The following RAD50 variants were observed in gnomAD, a reference collection of about 807,000 sequenced individuals.
RAD50 encodes DNA repair protein RAD50.
A neutral mutation model predicts 168.8 loss-of-function variants in RAD50; 132 were observed. The observed-to-expected ratio is 0.78, with a 90% CI of 0.68 to 0.90. The LOEUF (loss-of-function observed/expected upper bound fraction) is 0.90, where lower values mean the gene tolerates loss of function less well. Among genes scored for constraint, RAD50 ranks in the 40% least tolerant of loss-of-function variants. The pLI is 0.00. For synonymous variants in RAD50, 525 were observed against 497.4 expected (o/e 1.06, Z -0.74); for missense variants, 1,347 against 1,534.4 (o/e 0.88, Z 2.04).
At position 132,604,984 on chromosome 5, in the gene RAD50, G is replaced by C. The variant is rs1438147862; in HGVS notation, c.2703G>C (p.Leu901Phe). 2 of 1,609,914 alleles carry C rather than the reference G, an allele frequency of 1.2e-6. No homozygotes were observed. The highest frequency in any genetic ancestry group is 1.7e-6 in the Non-Finnish European group (2 of 1,176,358). The change falls in exon 16 of 25, where the codon TTG becomes TTC. Residue 901 changes from leucine (L) to phenylalanine (F), a missense_variant. Coordinates refer to ENST00000378823, the MANE Select transcript of RAD50 (RefSeq NM_005732.4). Reference sequence around the variant, plus strand: ...AATTATCCACTGAAGTTCAGTCTTTGTACAGAGAGATAAAGGTAAGAATAT... The same window carrying C: ...AATTATCCACTGAAGTTCAGTCTTTCTACAGAGAGATAAAGGTAAGAATAT... The part of the protein sequence containing the change: ...TVELSTEVQS[L>F]YREIKDAKEQ...
At chr5:132,607,609 AT>A (rs949537766) in intron 16 of RAD50, among the ~76,000 whole-genome samples, 3 of 152,166 alleles carry the variant, frequency 2.0e-5, no homozygotes, top group African/African-American at 7.2e-5. Flanking sequence ...CATCTGTATA[AT>A]TTTTTACTAT....
intron 21 of RAD50, 34 bp from the exon 22 acceptor site, chr5:132,637,081 A>G (rs372169937): frequency 1.3e-6 from 2 of 1,523,336 alleles, no homozygotes; most frequent in African/African-American, 2.8e-5. Context: ...ATTATTTTTT[A>G]TATATATGAA....
rs1430798801 is a variant in RAD50 at position 132,618,157 on chromosome 5, A to C, written c.3252A>C (p.Glu1084Asp). Residue 1084 changes from glutamate to aspartate, a missense_variant, in exon 21 of 25, where the codon GAA becomes GAC. By Grantham distance (45) the Glu-to-Asp change is conservative. Around this residue, in one of 3 missense-constraint regions of RAD50, gnomAD observed 635 missense variants for 739.2 expected, o/e 0.86. Transcript: ENST00000378823. The part of the protein sequence containing the change: ...ALGRQKGYEE[E>D]IIHFKKELRE... ...GGCGACAGAAAGGTTATGAAGAAGAAATTATTCATTTTAAGAAAGAACTTC... is the reference window on the plus strand; with the variant it reads ...GGCGACAGAAAGGTTATGAAGAAGACATTATTCATTTTAAGAAAGAACTTC... 1 of 1,613,870 alleles carries C rather than the reference A, an allele frequency of 6.2e-7. No individual in the cohort carries two copies. The highest frequency in any genetic ancestry group is 1.1e-5 in the South Asian group (1 of 91,036).
chr5:132,637,242 T>A (rs1489195433), intron 22 of RAD50, 42 bp downstream of exon 22: 1 of 1,587,060 alleles, frequency 6.3e-7, no homozygotes, highest in African/African-American at 1.3e-5. Flanking sequence ...TCCAAAGCCC[T>A]CTCCGCAGCT....
chr5:132,587,971 C>T lies in RAD50; in HGVS notation c.933C>T (p.His311=), dbSNP rs1580992154. The T allele has an allele frequency of 3.1e-6, 5 of 1,612,634 alleles. No homozygotes were observed. The highest frequency in any genetic ancestry group is 3.4e-6 in the Non-Finnish European group (4 of 1,178,980). The change falls in exon 7 of 25, where the codon CAC becomes CAT. Residue 311 remains histidine, a synonymous_variant. Coordinates refer to ENST00000378823, the MANE Select transcript of RAD50 (RefSeq NM_005732.4). ...AACTAAATGACTTATATCACAATCA[C>T]CAGAGAACAGTAAGGGAGAAAGAAA... is the stretch of plus-strand genomic sequence containing the variant. ...DEQLNDLYHN[H]QRTVREKERK...
chr5:132,558,114 C>T (rs928874808), intron 1 of RAD50, among the ~76,000 whole-genome samples: 3 of 151,664 alleles, frequency 2.0e-5, no homozygotes, highest in Admixed American at 2.0e-4. Flanking sequence ...AAGACGATGT[C>T]AGTATAGCAG....
chr5:132,623,827 G>A (rs1751325856), intron 21 of RAD50, among the ~76,000 whole-genome samples: 2 of 152,296 alleles, frequency 1.3e-5, no homozygotes, highest in Admixed American at 6.5e-5. Flanking sequence ...CTGAGCAGTG[G>A]CATTCAGACC....
At chr5:132,606,585 T>C (rs1408978027) in intron 16 of RAD50, among the ~76,000 whole-genome samples, 1 of 151,952 alleles carries the variant, frequency 6.6e-6, no homozygotes, top group Non-Finnish European at 1.5e-5. Context: ...TTCCTAACAA[T>C]AGAAAAAGAG....
chr5:132,604,726 C>G (rs534119374), intron 15 of RAD50, 80 bp from the exon 16 acceptor site: 412 of 1,211,014 alleles, frequency 3.4e-4, no homozygotes, highest in Non-Finnish European at 4.2e-4. Context: ...TTCCATAGAC[C>G]GATAAAAATG....
chr5:132,564,433 C>T (rs769046444), intron 2 of RAD50, among the ~76,000 whole-genome samples: 7 of 152,160 alleles, frequency 4.6e-5, no homozygotes, highest in Admixed American at 3.9e-4. Flanking sequence ...GAACTTTGAA[C>T]TTGAAAGAGA....
At chr5:132,628,823 G>A (rs1751413079) in intron 21 of RAD50, among the ~76,000 whole-genome samples, 1 of 151,672 alleles carries the variant, frequency 6.6e-6, no homozygotes, top group Non-Finnish European at 1.5e-5. Context: ...CTCCAGCCTG[G>A]GCAACAAGAG....
intron 21 of RAD50, chr5:132,630,616 T>G (rs1751446312): frequency 6.6e-6 from 1 of 152,250 alleles, no homozygotes; most frequent in Admixed American, 6.5e-5. Flanking sequence ...AATGTTTATC[T>G]TGCCATAGTG....
At chr5:132,635,993 TGTTGA>T (rs1561658267) in intron 21 of RAD50, among the ~76,000 whole-genome samples, 2 of 152,256 alleles carry the variant, frequency 1.3e-5, no homozygotes, top group Non-Finnish European at 2.9e-5. Context: ...AATGTATTTA[TGTTGA>T]GTCATTTCTT....
chr5:132,557,566 GTAGGCCCTTAAAGTGCC>G lies in RAD50; in HGVS notation c.129+115_129+131del, dbSNP rs1392748917. 5 of 1,487,164 alleles carry G rather than the reference GTAGGCCCTTAAAGTGCC, an allele frequency of 3.4e-6. No individual in the cohort carries two copies. The Admixed American group carries it at 8.8e-5, about 26-fold the overall frequency. The allele number at this position is 1,487,164 out of a possible 1,614,324, so 92.1% of individuals were successfully genotyped here. ...GAAGCGTCCCTAGGGCTCCACAGGT[GTAGGCCCTTAAAGTGCC>G]TTAGGGTGTGGCCTGCAGGCTACAG... is the stretch of plus-strand genomic sequence containing the variant. On this transcript the variant is annotated intron_variant, in intron 1 of 24. Coordinates refer to ENST00000378823, the MANE Select transcript of RAD50 (RefSeq NM_005732.4).
Position 132,616,018 on chromosome 5 carries a change from C to A in RAD50, c.3052C>A (p.Leu1018Ile), listed in dbSNP as rs1016923603. Residue 1018 changes from leucine to isoleucine, a missense_variant, in exon 20 of 25, where the codon CTA (leucine) becomes ATA (isoleucine). Physicochemically the swap from Leu to Ile is conservative, Grantham distance 5 (BLOSUM62 2). Transcript: ENST00000378823. ...IDTQKIQERW[L>I]QDNLTLRKRN... ...TTACCTTTAGATACAAGAAAGGTGG[C>A]TACAAGATAACCTTACTTTAAGAAA... is the stretch of plus-strand genomic sequence containing the variant. The A allele has an allele frequency of 6.3e-7, 1 of 1,585,780 alleles. No homozygotes were observed. Among genetic ancestry groups the A allele is most frequent in the Non-Finnish European group, 8.7e-7 (1 of 1,154,904 alleles).
intron 12 of RAD50, 120 bp downstream of exon 12, chr5:132,595,164 A>C: frequency 9.2e-7 from 1 of 1,083,608 alleles, no homozygotes; most frequent in Non-Finnish European, 1.4e-6. Flanking sequence ...CTTGGATTTC[A>C]GTCCTGGCTC....
Position 132,638,136 on chromosome 5 carries a change from T to C in RAD50, c.3531T>C (p.Asp1177=), listed in dbSNP as rs1415093880. Residue 1177 remains aspartate (D), a synonymous_variant, in exon 23 of 25, where the codon GAT becomes GAC. Transcript: ENST00000378823. ...SDADENVSAS[D]KRRNYNYRVV... ...CCGATGAAAATGTATCAGCTTCTGA[T>C]AAAAGGCGGAATTATAACTACCGAG... 1 of 1,614,128 alleles carries C rather than the reference T, an allele frequency of 6.2e-7. No individual in the cohort carries two copies.
rs908081040 is a variant in RAD50, at chr5:132,592,134, A to G, written c.1793+100A>G. 4 of 1,304,098 alleles carry G rather than the reference A, an allele frequency of 3.1e-6. No individual in the cohort carries two copies. In the African/African-American group the frequency reaches 4.4e-5, roughly 14 times the overall value. The allele number at this position is 1,304,098 out of a possible 1,614,324, so 80.8% of individuals were successfully genotyped here. On this transcript the variant is annotated intron_variant, in intron 11 of 24. Transcript: ENST00000378823. ...TTATTGTCATGAAATGGTATGTTAT[A>G]TTGATAAACTTTAGTTCTTACATAC... is the stretch of plus-strand genomic sequence containing the variant.
intron 2 of RAD50, among the ~76,000 whole-genome samples, chr5:132,574,578 C>G (rs1322694546): frequency 6.6e-6 from 1 of 152,174 alleles, no homozygotes; most frequent in Non-Finnish European, 1.5e-5. Flanking sequence ...GTTACTTATG[C>G]AAATTTCTGC....
Sources: gnomAD v4.1 joint callset for allele counts (sites outside exome capture counted in the v4.1 genomes callset) on GRCh38, gnomAD v4.1.1 for gene constraint, gnomAD v4.1.1 regional missense constraint, MANE v1.5 for transcripts, NCBI Gene and HGNC (gene_info 2026-07-23, HGNC 2026-07-21) for gene names.